The following WDPCP variants were observed in gnomAD, a reference collection of about 807,000 sequenced individuals.
WDPCP encodes the protein WD repeat containing planar cell polarity effector.
WDPCP carries 71 observed loss-of-function variants against 93.1 expected under a neutral mutation model. That is an observed-to-expected ratio of 0.76 (90% CI 0.63 to 0.93). WDPCP has a LOEUF of 0.93. Ranked by LOEUF, WDPCP falls within the 40% of genes least tolerant of loss-of-function variation. WDPCP has a pLI of 0.00. For synonymous variants in WDPCP, 315 were observed against 315.0 expected (o/e 1.00, Z 0.00); for missense variants, 844 against 887.4 (o/e 0.95, Z 0.62).
At chr2:63,696,668 G>C (rs1668965564) in intron 2 of WDPCP, among the ~76,000 whole-genome samples, 1 of 152,186 alleles carries the variant, frequency 6.6e-6, no homozygotes, top group Non-Finnish European at 1.5e-5. Context: ...GACACCCATG[G>C]TAGCAATTGG....
intron 1 of WDPCP, among the ~76,000 whole-genome samples, chr2:63,550,082 T>C (rs1705472354): frequency 6.6e-6 from 1 of 151,816 alleles, no homozygotes; most frequent in African/African-American, 2.4e-5. Flanking sequence ...CCTTGTCTTC[T>C]ATAAAACTTA....
intron 1 of WDPCP, among the ~76,000 whole-genome samples, chr2:63,501,774 A>T (rs1701569796): frequency 6.6e-6 from 1 of 151,996 alleles, no homozygotes; most frequent in South Asian, 2.1e-4. Context: ...GAGCCACCAC[A>T]TAAGGTTAAT....
intron 1 of WDPCP, among the ~76,000 whole-genome samples, chr2:63,510,881 T>TA (rs1702191111): frequency 6.6e-6 from 1 of 151,926 alleles, no homozygotes; most frequent in African/African-American, 2.4e-5. Context: ...GAGGCTGAGG[T>TA]AGGAGAATGG....
intron 3 of WDPCP, among the ~76,000 whole-genome samples, chr2:63,618,513 T>A (rs1205309030): frequency 6.6e-6 from 1 of 152,194 alleles, no homozygotes; most frequent in Non-Finnish European, 1.5e-5. Context: ...TCAGTGATTA[T>A]CCCCTATGTT....
intron 2 of WDPCP, among the ~76,000 whole-genome samples, chr2:63,721,485 C>G (rs1669411681): frequency 6.6e-6 from 1 of 152,198 alleles, no homozygotes; most frequent in Non-Finnish European, 1.5e-5. Context: ...CCCTGTACCC[C>G]TCTTACCCCT....
intron 15 of WDPCP, among the ~76,000 whole-genome samples, chr2:63,174,256 A>C (rs1280701889): frequency 6.6e-6 from 1 of 152,146 alleles, no homozygotes; most frequent in African/African-American, 2.4e-5. Context: ...CAAACTGGAC[A>C]GATATCAGAT....
intron 2 of WDPCP, among the ~76,000 whole-genome samples, chr2:63,766,190 G>A (rs886208196): frequency 1.3e-5 from 2 of 152,210 alleles, no homozygotes; most frequent in Admixed American, 1.3e-4. Flanking sequence ...TGCTTGCAGA[G>A]ATGTGAAAAG....
rs1244796163 is a variant in WDPCP, at chr2:63,484,645, G to A, written c.343C>T (p.Arg115Trp). 3 of 1,612,832 alleles carry A rather than the reference G, an allele frequency of 1.9e-6. No homozygotes were observed. Among genetic ancestry groups the A allele is most frequent in the East Asian group, 2.2e-5 (1 of 44,858 alleles). ...KELEELMQNS[R>W]CVLSKWKNKY... is the part of the protein sequence containing the mutation. ...TTCTTCCATTTGCTCAGCACACACC[G>A]ACTGTTTTGCATCAGCTCCTGAAGC... The change falls in exon 6 of 18, where the codon CGG becomes TGG. Residue 115 changes from arginine to tryptophan, a missense_variant. Coordinates refer to ENST00000272321, the MANE Select transcript of WDPCP (RefSeq NM_015910.7).
chr2:63,348,679 ATAC>A (rs1048651029), intron 12 of WDPCP, among the ~76,000 whole-genome samples: 11 of 152,162 alleles, frequency 7.2e-5, no homozygotes, highest in Non-Finnish European at 1.6e-4. Context: ...ATGAAAAATA[ATAC>A]TAAGTTGAAG....
At chr2:63,778,271 G>A (rs1045356783) in intron 2 of WDPCP, among the ~76,000 whole-genome samples, 2 of 151,642 alleles carry the variant, frequency 1.3e-5, no homozygotes, top group South Asian at 2.1e-4. Context: ...GCAGTGGCGC[G>A]ATTTCAGCCC....
intron 14 of WDPCP, among the ~76,000 whole-genome samples, chr2:63,252,510 T>C (rs1016855928): frequency 6.6e-6 from 1 of 152,016 alleles, no homozygotes; most frequent in Non-Finnish European, 1.5e-5. Flanking sequence ...GATATGATTC[T>C]GTACATAGAA....
Position 63,120,319 on chromosome 2 carries a change from G to A in WDPCP, c.*1687C>T, listed in dbSNP as rs1669480486. On this transcript the variant is annotated 3_prime_UTR_variant, in exon 18 of 18. Coordinates refer to ENST00000272321, the MANE Select transcript of WDPCP (RefSeq NM_015910.7). Reference sequence around the variant, plus strand: ...TATGCATTATTAAAATTTTTTCAGAGCAATAACAAAATGAAAAATCTAATT... The same window carrying A: ...TATGCATTATTAAAATTTTTTCAGAACAATAACAAAATGAAAAATCTAATT... 6.6e-6 allele frequency among the ~76,000 whole-genome samples: 1 copy of A among 151,972 alleles called. No individual in the cohort carries two copies. Among genetic ancestry groups the A allele is most frequent in the Non-Finnish European group, 1.5e-5 (1 of 68,000 alleles).
chr2:63,270,702 C>T (rs751864906), intron 13 of WDPCP, among the ~76,000 whole-genome samples: 21 of 152,126 alleles, frequency 1.4e-4, no homozygotes, highest in Non-Finnish European at 2.6e-4. Context: ...AGAAACTCCC[C>T]AGTGCAGGGA....
intron 12 of WDPCP, among the ~76,000 whole-genome samples, chr2:63,342,966 A>G (rs1219903039): frequency 6.6e-6 from 1 of 151,824 alleles, no homozygotes; most frequent in Non-Finnish European, 1.5e-5. Flanking sequence ...ATTCTCCCTC[A>G]TTTTTAAGAG....
intron 2 of WDPCP, among the ~76,000 whole-genome samples, chr2:63,693,114 A>C (rs761850719): frequency 6.6e-5 from 10 of 152,230 alleles, no homozygotes; most frequent in Non-Finnish European, 1.5e-4. Flanking sequence ...CTGGTGGTTT[A>C]GCTCCAATTC....
At chr2:63,346,909 T>C (rs1302734302) in intron 12 of WDPCP, among the ~76,000 whole-genome samples, 1 of 152,148 alleles carries the variant, frequency 6.6e-6, no homozygotes, top group Non-Finnish European at 1.5e-5. Context: ...GGGATCAGAG[T>C]CCTATACTGT....
At chr2:63,497,426 G>A (rs1044781523) in intron 1 of WDPCP, among the ~76,000 whole-genome samples, 2 of 152,180 alleles carry the variant, frequency 1.3e-5, no homozygotes, top group Non-Finnish European at 2.9e-5. Context: ...GGCTTTGCAA[G>A]TGGTCATGCA....
intron 2 of WDPCP, among the ~76,000 whole-genome samples, chr2:63,784,431 G>GA (rs1670439562): frequency 6.6e-6 from 1 of 152,158 alleles, no homozygotes; most frequent in African/African-American, 2.4e-5. Context: ...GGGCATAAGA[G>GA]AATGTGGGTC....
At position 63,325,546 on chromosome 2, in the gene WDPCP, C is replaced by T. The variant is rs888066139; in HGVS notation, c.1749-12235G>A. Among the ~76,000 whole-genome samples the T allele has an allele frequency of 3.3e-5, 5 of 152,276 alleles. No individual in the cohort carries two copies. The South Asian group carries it at 1.0e-3, about 32-fold the overall frequency. ...CTGGTGTGGCCTTCTCAGTGTTAAC[C>T]TTCTGTCCCAGATGACTGTCCTCAA... On this transcript the variant is annotated intron_variant, in intron 12 of 17. Transcript: ENST00000272321.
Sources: gnomAD v4.1 joint callset for allele counts (sites outside exome capture counted in the v4.1 genomes callset) on GRCh38, gnomAD v4.1.1 for gene constraint, MANE v1.5 for transcripts, NCBI Gene and HGNC (gene_info 2026-07-23, HGNC 2026-07-21) for gene names.